The following PINLYP variants were observed in gnomAD, a reference collection of about 807,000 sequenced individuals.
The protein encoded by PINLYP is phospholipase A2 inhibitor and LY6/PLAUR domain containing, also known as phospholipase A2 inhibitor and Ly6/PLAUR domain-containing protein.
PINLYP carries 12 observed loss-of-function variants against 15.8 expected under a neutral mutation model. The observed-to-expected ratio is 0.76, with a 90% CI of 0.49 to 1.23. The LOEUF (loss-of-function observed/expected upper bound fraction) is 1.23. PINLYP is among the 50% of genes most tolerant of loss of function. PINLYP has a pLI of 0.00. For missense variants in PINLYP, 278 were observed against 264.2 expected, an observed-to-expected ratio of 1.05 and a Z score of -0.36; for synonymous variants, 93 against 97.7, an observed-to-expected ratio of 0.95 and a Z score of 0.28.
exon 3 of PINLYP, chr19:43,578,692 G>A (rs1207980618): frequency 6.5e-7 from 1 of 1,535,784 alleles, no homozygotes; most frequent in Admixed American, 2.0e-5. Context: ...CTCCTGGTCG[G>A]GAAGGCTACT....
chr19:43,575,657 A>C (rs1972852969), upstream of PINLYP: 1 of 462,880 alleles, frequency 2.2e-6, no homozygotes. Flanking sequence ...CCAGAGCGGG[A>C]AGAGCGCTGC....
At chr19:43,581,219 G>C in exon 4 of PINLYP, 3 of 1,536,960 alleles carry the variant, frequency 2.0e-6, no homozygotes, top group Non-Finnish European at 2.6e-6. Flanking sequence ...CAGAGGGCAA[G>C]GAGTTGGTGC....
chr19:43,579,730 T>A (rs113963692), intron 3 of PINLYP, among the ~76,000 whole-genome samples: 4 of 143,326 alleles, frequency 2.8e-5, no homozygotes, highest in Admixed American at 7.0e-5. Context: ...GAGATCCATC[T>A]CTACAGAAAA....
chr19:43,581,475 G>A, intron 4 of PINLYP, 88 bp from the exon 5 acceptor site: 3 of 1,508,040 alleles, frequency 2.0e-6, no homozygotes, highest in Non-Finnish European at 2.7e-6. Flanking sequence ...GTGTCTATTA[G>A]CAACCCTGGT....
At chr19:43,575,527 T>G (rs1350080696), upstream of PINLYP, 19 of 1,480,342 alleles carry the variant, frequency 1.3e-5, no homozygotes, top group Admixed American at 3.6e-5. Flanking sequence ...GCAGGGAGAG[T>G]GGGAGGGGGC....
At chr19:43,576,376 C>G (rs1216139431) in exon 1 of PINLYP, among the ~76,000 whole-genome samples, 2 of 151,924 alleles carry the variant, frequency 1.3e-5, no homozygotes, top group African/African-American at 2.4e-5. Context: ...CGCGCGCACG[C>G]GCGAAAAAAA....
At chr19:43,580,685 C>A in intron 3 of PINLYP, 2 of 986,166 alleles carry the variant, frequency 2.0e-6, no homozygotes, top group Non-Finnish European at 2.4e-6. Flanking sequence ...CAATGGGGAG[C>A]TGGAAGAGAC....
At chr19:43,578,682 C>G in exon 3 of PINLYP, 1 of 1,535,872 alleles carries the variant, frequency 6.5e-7, no homozygotes, top group South Asian at 1.2e-5. Context: ...CACATGTGTG[C>G]TCCTGGTCGG....
chr19:43,578,524 G>A (rs1972891664), intron 2 of PINLYP, 66 bp from the exon 3 acceptor site: 1 of 1,231,234 alleles, frequency 8.1e-7, no homozygotes, highest in Admixed American at 2.1e-5. Flanking sequence ...AAAGTCCTAA[G>A]TCAAAGTCGT....
At chr19:43,577,957 G>C (rs1972885995) in intron 2 of PINLYP, among the ~76,000 whole-genome samples, 1 of 152,112 alleles carries the variant, frequency 6.6e-6, no homozygotes, top group African/African-American at 2.4e-5. Context: ...AAGAGGTAGA[G>C]AGATTTCCTT....
At chr19:43,580,963 C>A in intron 3 of PINLYP, 1 of 435,904 alleles carries the variant, frequency 2.3e-6, no homozygotes, top group Non-Finnish European at 3.9e-6. Flanking sequence ...AATAGCCGGG[C>A]ATGGTGGCGG....
At chr19:43,579,844 G>A (rs1047626756) in intron 3 of PINLYP, among the ~76,000 whole-genome samples, 1 of 151,982 alleles carries the variant, frequency 6.6e-6, no homozygotes, top group African/African-American at 2.4e-5. Context: ...CGAGGCTGCA[G>A]CGAGCTAAGT....
At chr19:43,575,548 C>A, upstream of PINLYP, 1 of 1,433,690 alleles carries the variant, frequency 7.0e-7, no homozygotes, top group Non-Finnish European at 9.5e-7. Flanking sequence ...GGGGTGCGCC[C>A]TGCGCTGGCT....
intron 3 of PINLYP, chr19:43,578,922 G>C (rs1351741336): frequency 2.0e-6 from 1 of 498,352 alleles, no homozygotes; most frequent in Non-Finnish European, 3.7e-6. Context: ...TTCTGAAAAT[G>C]ACACTGTCCT....
At chr19:43,580,413 T>G in intron 3 of PINLYP, 2 of 509,294 alleles carry the variant, frequency 3.9e-6, no homozygotes, top group Non-Finnish European at 5.1e-6. Flanking sequence ...GAGACCCTCG[T>G]TGGGAGGTCT....
At chr19:43,581,132 G>A in intron 3 of PINLYP, 80 bp from the exon 4 acceptor site, 5 of 1,441,578 alleles carry the variant, frequency 3.5e-6, no homozygotes, top group Non-Finnish European at 4.6e-6. Context: ...GGAGGCCTAG[G>A]GTTAGGCAAG....
exon 3 of PINLYP, chr19:43,578,691 G>T (rs148088184): frequency 6.5e-7 from 1 of 1,535,742 alleles, no homozygotes; most frequent in East Asian, 2.4e-5. Flanking sequence ...GCTCCTGGTC[G>T]GGAAGGCTAC....
At position 43,577,094 on chromosome 19, in the gene PINLYP, C is replaced by G. The variant is rs780180878; in HGVS notation, c.-77-21C>G. The G allele has an allele frequency of 3.3e-5, 51 of 1,533,858 alleles. No individual in the cohort carries two copies. In the South Asian group the frequency reaches 6.0e-4, roughly 18 times the overall value. On this transcript the variant is annotated intron_variant, in intron 1 of 5. Coordinates refer to ENST00000599207, the Ensembl canonical transcript of PINLYP. ...ACAGAGGACTGCCCTGGGTTCTGAC[C>G]TCAGCTATTTCTCCCCGTAGGGTGA...
upstream of PINLYP, chr19:43,575,642 C>G (rs1972852487): frequency 2.0e-6 from 1 of 495,500 alleles, no homozygotes; most frequent in Admixed American, 3.7e-5. Context: ...CCCAGTCGCG[C>G]CTCTCCAGAG....
Sources: gnomAD v4.1 joint callset for allele counts (sites outside exome capture counted in the v4.1 genomes callset) on GRCh38, gnomAD v4.1.1 for gene constraint, MANE v1.5 for transcripts, NCBI Gene and HGNC (gene_info 2026-07-23, HGNC 2026-07-21) for gene names.